SPAG16: variants seen among roughly 807,000 people sequenced by gnomAD.
The protein encoded by SPAG16 is sperm associated antigen 16.
A neutral mutation model predicts 80.4 loss-of-function variants in SPAG16; 86 were observed. That is an observed-to-expected ratio of 1.07 (90% CI 0.90 to 1.28). SPAG16 has a LOEUF of 1.28. Ranked by LOEUF, SPAG16 falls within the 50% of genes most tolerant of loss-of-function variation. The probability of loss-of-function intolerance (pLI) is 0.00; values close to 1 mark genes in which losing one functional copy is unlikely to be tolerated. For missense variants in SPAG16, 870 were observed against 765.3 expected, an observed-to-expected ratio of 1.14 and a Z score of -1.61; for synonymous variants, 294 against 265.9, an observed-to-expected ratio of 1.11 and a Z score of -1.03.
chr2:213,558,274 C>T (rs1376105057), intron 10 of SPAG16, among the ~76,000 whole-genome samples: 2 of 151,972 alleles, frequency 1.3e-5, no homozygotes, highest in African/African-American at 4.8e-5. Flanking sequence ...AACAGATGAA[C>T]TCATTATAAT....
At chr2:214,007,916 CAGA>C (rs1414212378) in intron 12 of SPAG16, among the ~76,000 whole-genome samples, 1 of 152,030 alleles carries the variant, frequency 6.6e-6, no homozygotes, top group East Asian at 1.9e-4. Context: ...CATTAAATTG[CAGA>C]AGATTTTAGC....
intron 10 of SPAG16, among the ~76,000 whole-genome samples, chr2:213,714,356 C>A (rs2066137434): frequency 6.6e-6 from 1 of 152,274 alleles, no homozygotes; most frequent in East Asian, 1.9e-4. Context: ...ATTGCTGAGC[C>A]ATCTTACAAT....
intron 10 of SPAG16, among the ~76,000 whole-genome samples, chr2:213,618,320 T>A (rs1013561222): frequency 2.0e-5 from 3 of 152,198 alleles, no homozygotes; most frequent in Non-Finnish European, 4.4e-5. Flanking sequence ...TTCTACTCTA[T>A]CCTCACTGCC....
chr2:214,111,076 A>T (rs996572705), intron 14 of SPAG16, among the ~76,000 whole-genome samples: 4 of 152,000 alleles, frequency 2.6e-5, no homozygotes, highest in African/African-American at 9.7e-5. Flanking sequence ...CCCATCCTGT[A>T]GGTTGCCTGT....
Position 213,317,300 on chromosome 2 carries a change from G to A in SPAG16, c.480G>A (p.Leu160=). ...ATGTCTACACCCAGATTATGCTTTT[G>A]GAAAATGAGAACAAAAATTTAAAGA... ...VPDVYTQIML[L]ENENKNLKKD... The change falls in exon 5 of 16, where the codon TTG becomes TTA. Residue 160 remains leucine, a synonymous_variant. Coordinates refer to ENST00000331683, the MANE Select transcript of SPAG16 (RefSeq NM_024532.5). 6.2e-7 allele frequency: 1 copy of A among 1,610,966 alleles called. No individual in the cohort carries two copies. Among genetic ancestry groups the A allele is most frequent in the Non-Finnish European group, 8.5e-7 (1 of 1,178,162 alleles).
At chr2:213,573,640 GTA>G (rs1167688316) in intron 10 of SPAG16, among the ~76,000 whole-genome samples, 3 of 151,878 alleles carry the variant, frequency 2.0e-5, no homozygotes, top group Non-Finnish European at 2.9e-5. Flanking sequence ...TACATATTTT[GTA>G]TATATTTTTA....
At chr2:214,081,993 A>C (rs538999169) in intron 13 of SPAG16, among the ~76,000 whole-genome samples, 5 of 152,226 alleles carry the variant, frequency 3.3e-5, no homozygotes, top group Admixed American at 3.3e-4. Flanking sequence ...TTCTGATTCC[A>C]CATCAAGTTC....
At chr2:213,412,612 TTTTG>T (rs775551687) in intron 9 of SPAG16, among the ~76,000 whole-genome samples, 3 of 150,198 alleles carry the variant, frequency 2.0e-5, no homozygotes, top group Non-Finnish European at 2.9e-5. Flanking sequence ...ACTCTCAGTG[TTTTG>T]TTTGTTTATT....
At chr2:213,847,476 AG>A (rs780235192) in intron 10 of SPAG16, among the ~76,000 whole-genome samples, 4 of 152,112 alleles carry the variant, frequency 2.6e-5, no homozygotes, top group Non-Finnish European at 5.9e-5. Context: ...AGACTGAAGG[AG>A]GGAGGTGTCA....
At chr2:214,285,365 A>C (rs1693275482) in intron 15 of SPAG16, among the ~76,000 whole-genome samples, 1 of 152,036 alleles carries the variant, frequency 6.6e-6, no homozygotes, top group Non-Finnish European at 1.5e-5. Context: ...ACAGTTTCTT[A>C]CATATTTTGG....
intron 12 of SPAG16, among the ~76,000 whole-genome samples, chr2:213,976,135 T>TATAC (rs749957411): frequency 0.013 from 1,094 of 81,366 alleles, 20 homozygotes; most frequent in African/African-American, 0.033. Context: ...TATATATATA[T>TATAC]ACACACACAC....
Position 214,378,581 on chromosome 2 carries a change from T to G in SPAG16, c.1721-31559T>G, listed in dbSNP as rs1373007745. Among the ~76,000 whole-genome samples the G allele has an allele frequency of 3.3e-5, 5 of 152,296 alleles. No homozygotes were observed. In the East Asian group the frequency reaches 7.7e-4, roughly 24 times the overall value. On this transcript the variant is annotated intron_variant, in intron 15 of 15. Transcript: ENST00000331683. ...CAGGAAAGAGCCCACCTTCTCATAA[T>G]TATCTACCTTGATAGACTTGCACTA...
chr2:213,889,311 T>C (rs2076686538), intron 11 of SPAG16, among the ~76,000 whole-genome samples: 1 of 151,866 alleles, frequency 6.6e-6, no homozygotes, highest in African/African-American at 2.4e-5. Flanking sequence ...GATGTAAAAA[T>C]GTTCTCAATA....
chr2:214,004,642 G>C (rs1187723939), intron 12 of SPAG16, among the ~76,000 whole-genome samples: 1 of 152,030 alleles, frequency 6.6e-6, no homozygotes, highest in African/African-American at 2.4e-5. Context: ...CTTATCATCA[G>C]GTGTGGGCTG....
chr2:214,178,757 G>A (rs534758988), intron 15 of SPAG16, among the ~76,000 whole-genome samples: 3 of 151,312 alleles, frequency 2.0e-5, no homozygotes, highest in South Asian at 2.1e-4. Context: ...CCCAGTATTC[G>A]AAGCTGAATT....
At chr2:213,336,491 C>T (rs569313423) in intron 5 of SPAG16, among the ~76,000 whole-genome samples, 190 of 152,310 alleles carry the variant, frequency 1.2e-3, no homozygotes, top group Non-Finnish European at 1.6e-3. Context: ...GACTTAATTC[C>T]GAGGGCAGGA....
chr2:213,292,446 T>G (rs12989273), intron 1 of SPAG16, among the ~76,000 whole-genome samples: 30,217 of 151,020 alleles, frequency 0.2, 3,782 homozygotes, highest in Non-Finnish European at 0.29. Context: ...GGGCGGATCA[T>G]GAGGTCAGGA....
intron 12 of SPAG16, among the ~76,000 whole-genome samples, chr2:214,007,765 T>TTA (rs1234090216): frequency 6.6e-6 from 1 of 152,204 alleles, no homozygotes; most frequent in African/African-American, 2.4e-5. Context: ...GTTTTATGTT[T>TTA]TGCTTTTGAC....
intron 13 of SPAG16, among the ~76,000 whole-genome samples, chr2:214,102,694 G>C (rs1040082514): frequency 5.9e-5 from 9 of 152,130 alleles, no homozygotes; most frequent in African/African-American, 2.2e-4. Flanking sequence ...TTTACCGACG[G>C]CAAATCCATA....
Sources: allele counts gnomAD v4.1 joint callset (sites outside exome capture counted in the v4.1 genomes callset), GRCh38; gene constraint gnomAD v4.1.1; transcripts MANE v1.5; gene names NCBI Gene and HGNC (gene_info 2026-07-23, HGNC 2026-07-21).